ARPP21: variants seen among roughly 807,000 people sequenced by gnomAD.
The protein encoded by ARPP21 is cAMP-regulated phosphoprotein 21.
Under a neutral mutation model 113.2 loss-of-function variants are expected in ARPP21, and 69 were observed. That is an observed-to-expected ratio of 0.61 (90% CI 0.50 to 0.74). The LOEUF (loss-of-function observed/expected upper bound fraction) is 0.74, where lower values mean the gene tolerates loss of function less well. Ranked by LOEUF, ARPP21 falls within the 30% of genes least tolerant of loss-of-function variation. The probability of loss-of-function intolerance (pLI) is 0.00; values close to 1 mark genes in which losing one functional copy is unlikely to be tolerated. For synonymous variants in ARPP21, 368 were observed against 375.5 expected (o/e 0.98, Z 0.23); for missense variants, 1,070 against 1,037.4 (o/e 1.03, Z -0.43).
At chr3:35,747,781 A>G (rs1021238722) in intron 19 of ARPP21, among the ~76,000 whole-genome samples, 2 of 151,938 alleles carry the variant, frequency 1.3e-5, no homozygotes, top group African/African-American at 4.8e-5. Context: ...AGTTCACTTT[A>G]TAAAAATTCA....
At chr3:35,780,776 A>G (rs1435322983) in intron 19 of ARPP21, among the ~76,000 whole-genome samples, 1 of 152,130 alleles carries the variant, frequency 6.6e-6, no homozygotes, top group South Asian at 2.1e-4. Flanking sequence ...ATTAAGGCTT[A>G]GCAATTCGTA....
In ARPP21 at chr3:35,786,566, C is replaced by T. The variant is rs2096638781; in HGVS notation, c.2138-5816C>T. On this transcript the variant is annotated intron_variant, in intron 19 of 20. Coordinates refer to ENST00000684406, the MANE Select transcript of ARPP21 (RefSeq NM_001385562.1). ...AAGTTCTACTTAGGGTTTTAGATTA[C>T]ATAAATTGGGAGGTTGGCATATAGG... Among the ~76,000 whole-genome samples the T allele has an allele frequency of 4.6e-5, 7 of 151,046 alleles. No individual in the cohort carries two copies. In the South Asian group the frequency reaches 1.5e-3, roughly 32 times the overall value.
chr3:35,769,321 T>C (rs1473482630), intron 19 of ARPP21, among the ~76,000 whole-genome samples: 3 of 152,116 alleles, frequency 2.0e-5, no homozygotes, highest in African/African-American at 7.2e-5. Flanking sequence ...TACTGCCCTC[T>C]CCACTCTTGC....
At chr3:35,645,630 A>T (rs1299238316) in intron 1 of ARPP21, among the ~76,000 whole-genome samples, 1 of 151,988 alleles carries the variant, frequency 6.6e-6, no homozygotes, top group Non-Finnish European at 1.5e-5. Context: ...CATTTAAAAG[A>T]ACTAACTAGT....
In ARPP21 at chr3:35,737,211, C is replaced by T. The variant is rs763208388; in HGVS notation, c.1493C>T (p.Ala498Val). Residue 498 changes from alanine to valine, a missense_variant, in exon 16 of 21, where the codon GCA becomes GTA. Transcript: ENST00000684406. ...QPFVNPDGTPAIYNPPTSQQP... is the reference protein window; with the variant it reads ...QPFVNPDGTPVIYNPPTSQQP... Reference sequence around the variant, plus strand: ...TTTGTGAATCCCGATGGAACTCCTGCAATATACAACCCACCCACCAGTCAG... The same window carrying T: ...TTTGTGAATCCCGATGGAACTCCTGTAATATACAACCCACCCACCAGTCAG... 15 of 1,611,498 alleles carry T rather than the reference C, an allele frequency of 9.3e-6. No individual in the cohort carries two copies. Among genetic ancestry groups the T allele is most frequent in the Admixed American group, 5.0e-5 (3 of 59,784 alleles).
Position 35,690,946 on chromosome 3 carries a change from T to A in ARPP21, c.627T>A (p.Asp209Glu). ...VHRVAAYFGL[D>E]HNVDQTGKSV... ...GAGTGGCAGCTTATTTTGGATTGGA[T>A]CACAATGTGGATCAAACAGGAAAAT... The change falls in exon 9 of 21, where the codon GAT becomes GAA. Residue 209 changes from aspartate to glutamate, a missense_variant. Coordinates refer to ENST00000684406, the MANE Select transcript of ARPP21 (RefSeq NM_001385562.1). 1 of 1,610,940 alleles carries A rather than the reference T, an allele frequency of 6.2e-7. No homozygotes were observed. Among genetic ancestry groups the A allele is most frequent in the East Asian group, 2.2e-5 (1 of 44,744 alleles).
chr3:35,662,297 A>G (rs980935354), intron 1 of ARPP21, among the ~76,000 whole-genome samples: 2 of 152,182 alleles, frequency 1.3e-5, no homozygotes, highest in Non-Finnish European at 2.9e-5. Context: ...GGTATTAGAG[A>G]GGTGATTAAG....
intron 9 of ARPP21, among the ~76,000 whole-genome samples, chr3:35,698,882 G>C (rs2085122384): frequency 6.6e-6 from 1 of 151,546 alleles, no homozygotes; most frequent in Non-Finnish European, 1.5e-5. Flanking sequence ...AAAGTCTCCA[G>C]AATCACCGGA....
rs185457920 is a variant in ARPP21, at chr3:35,649,656, A to G, written c.-213+9258A>G. ...AAGCAAGTAGGCAGTGCTGAATTAG[A>G]AGGCAGGGGTGAGGGACAAAGGGAG... is the stretch of plus-strand genomic sequence containing the variant. On this transcript the variant is annotated intron_variant, in intron 1 of 20. Transcript: ENST00000684406. Among the ~76,000 whole-genome samples the G allele has an allele frequency of 3.2e-3, 490 of 152,248 alleles. 2 individuals are homozygous for G. The highest frequency in any genetic ancestry group is 0.011 in the African/African-American group (476 of 41,552).
intron 13 of ARPP21, among the ~76,000 whole-genome samples, chr3:35,717,687 GTACA>G (rs1339497094): frequency 6.6e-6 from 1 of 151,992 alleles, no homozygotes; most frequent in Non-Finnish European, 1.5e-5. Flanking sequence ...GATTGCAATT[GTACA>G]TACATTCTCA....
intron 9 of ARPP21, among the ~76,000 whole-genome samples, chr3:35,696,554 T>C (rs2084103122): frequency 6.6e-6 from 1 of 151,606 alleles, no homozygotes; most frequent in Non-Finnish European, 1.5e-5. Context: ...TTAGTTCCTG[T>C]CTTCTATCCC....
chr3:35,676,622 T>C (rs9878558), intron 1 of ARPP21, among the ~76,000 whole-genome samples: 77,177 of 151,558 alleles, frequency 0.51, 19,804 homozygotes, highest in South Asian at 0.56. Flanking sequence ...GTGTTTCTTA[T>C]ACACTATTGA....
intron 1 of ARPP21, among the ~76,000 whole-genome samples, chr3:35,655,068 CA>C (rs1704172839): frequency 1.3e-5 from 2 of 151,752 alleles, no homozygotes; most frequent in South Asian, 4.1e-4. Context: ...ACATTATGTA[CA>C]TAAAACATAT....
chr3:35,683,395 A>C (rs578072341), intron 4 of ARPP21, among the ~76,000 whole-genome samples: 1 of 151,952 alleles, frequency 6.6e-6, no homozygotes, highest in East Asian at 2.0e-4. Flanking sequence ...TAGTTTTAGT[A>C]AAAATTAATT....
chr3:35,714,422 G>A (rs1384045675), intron 11 of ARPP21, among the ~76,000 whole-genome samples: 6 of 152,100 alleles, frequency 3.9e-5, no homozygotes, highest in South Asian at 2.1e-4. Flanking sequence ...TTATTAAAAG[G>A]TTATTATTAC....
At chr3:35,786,760 G>A (rs1235596289) in intron 19 of ARPP21, among the ~76,000 whole-genome samples, 3 of 151,996 alleles carry the variant, frequency 2.0e-5, no homozygotes, top group Non-Finnish European at 4.4e-5. Flanking sequence ...CCTTGTGCCC[G>A]AGGACCCCTG....
chr3:35,768,595 G>A (rs183461030), intron 19 of ARPP21, among the ~76,000 whole-genome samples: 61 of 152,202 alleles, frequency 4.0e-4, no homozygotes, highest in South Asian at 6.2e-4. Flanking sequence ...GCATTACTTC[G>A]TGTATGATTG....
chr3:35,681,550 G>A, intron 2 of ARPP21, 164 bp from the exon 3 acceptor site: 1 of 537,744 alleles, frequency 1.9e-6, no homozygotes, highest in Non-Finnish European at 3.3e-6. Context: ...TCTGCCTCTT[G>A]TGCATGCCTT....
intron 14 of ARPP21, among the ~76,000 whole-genome samples, chr3:35,725,569 T>A (rs1452898428): frequency 6.6e-6 from 1 of 152,172 alleles, no homozygotes; most frequent in Non-Finnish European, 1.5e-5. Context: ...GTATCCTTCC[T>A]CCTTGGGAAG....
Sources: gnomAD v4.1 joint callset for allele counts (sites outside exome capture counted in the v4.1 genomes callset) on GRCh38, gnomAD v4.1.1 for gene constraint, MANE v1.5 for transcripts, NCBI Gene and HGNC (gene_info 2026-07-23, HGNC 2026-07-21) for gene names.